MYO3A: variants seen among roughly 807,000 people sequenced by gnomAD.
MYO3A encodes myosin IIIA.
MYO3A carries 180 observed loss-of-function variants against 192.7 expected under a neutral mutation model. The ratio of observed to expected loss-of-function variants is 0.93; its 90% CI spans 0.83 to 1.06. The LOEUF is 1.06. Ranked by LOEUF, MYO3A falls within the 50% of genes least tolerant of loss-of-function variation. MYO3A has a pLI of 0.00. For synonymous variants in MYO3A, 628 were observed against 645.3 expected, an observed-to-expected ratio of 0.97 and a Z score of 0.41; for missense variants, 1,896 against 1,905.0, an observed-to-expected ratio of 1.00 and a Z score of 0.09.
At chr10:26,179,748 G>A (rs1262818439) in intron 31 of MYO3A, among the ~76,000 whole-genome samples, 2 of 152,166 alleles carry the variant, frequency 1.3e-5, no homozygotes, top group Non-Finnish European at 2.9e-5. Context: ...AAAAATATAC[G>A]AAGTTACCTA....
chr10:26,158,518 G>A (rs968321856), intron 26 of MYO3A, among the ~76,000 whole-genome samples: 9 of 152,076 alleles, frequency 5.9e-5, no homozygotes, highest in Non-Finnish European at 2.9e-5. Flanking sequence ...GCCTCCCAAA[G>A]TGCTAGGATT....
intron 2 of MYO3A, among the ~76,000 whole-genome samples, chr10:25,941,036 G>A (rs1413493837): frequency 6.6e-6 from 1 of 152,252 alleles, no homozygotes; most frequent in East Asian, 1.9e-4. Context: ...GATTAGATTT[G>A]TATTAGGCTG....
intron 7 of MYO3A, 133 bp from the exon 8 acceptor site, chr10:26,021,370 G>T (rs1431222490): frequency 9.4e-7 from 1 of 1,063,070 alleles, no homozygotes; most frequent in Admixed American, 1.8e-5. Flanking sequence ...CTCCTCCTAA[G>T]TTACTGCCTT....
chr10:26,165,823 A>C, intron 26 of MYO3A: 1 of 580,046 alleles, frequency 1.7e-6, no homozygotes, highest in South Asian at 2.1e-5. Flanking sequence ...GTGCAGTATT[A>C]AGTTTTGAAA....
At chr10:26,099,007 T>G (rs936638804) in intron 17 of MYO3A, among the ~76,000 whole-genome samples, 3 of 152,222 alleles carry the variant, frequency 2.0e-5, no homozygotes, top group Admixed American at 6.5e-5. Flanking sequence ...TTGAGCAATA[T>G]GGCCATTTTC....
At chr10:26,202,274 T>C (rs1389946623) in intron 33 of MYO3A, among the ~76,000 whole-genome samples, 1 of 152,220 alleles carries the variant, frequency 6.6e-6, no homozygotes. Context: ...TAGATTAGTA[T>C]CTGTAATTTG....
chr10:26,173,952 G>T lies in MYO3A; in HGVS notation c.3688G>T (p.Val1230Leu), dbSNP rs1842182294. Residue 1230 changes from valine (V) to leucine (L), a missense_variant, in exon 30 of 35, where the codon GTG becomes TTG. Transcript: ENST00000642920. ...GGAAGAGAACAGCAATCTAAGGAAA[G>T]TGGAGAAAGAGGAAGCTATGATCCA... ...DLEENSNLRK[V>L]EKEEAMIQSY... 3.1e-6 allele frequency: 5 copies of T among 1,608,850 alleles called. No homozygotes were observed. The East Asian group carries it at 1.1e-4, about 36-fold the overall frequency.
intron 14 of MYO3A, among the ~76,000 whole-genome samples, chr10:26,085,648 A>G (rs1028170750): frequency 3.9e-5 from 6 of 152,118 alleles, no homozygotes; most frequent in African/African-American, 1.4e-4. Flanking sequence ...GGCAGCAACT[A>G]CTTCAGTGTT....
chr10:26,146,639 T>C (rs1840480768), intron 22 of MYO3A, among the ~76,000 whole-genome samples: 1 of 152,088 alleles, frequency 6.6e-6, no homozygotes, highest in Admixed American at 6.6e-5. Flanking sequence ...TGGTGTAGGG[T>C]CTTACTCTTA....
chr10:26,171,173 G>C (rs1842028618), intron 29 of MYO3A, among the ~76,000 whole-genome samples: 1 of 152,114 alleles, frequency 6.6e-6, no homozygotes, highest in African/African-American at 2.4e-5. Context: ...ACCCTGCCTT[G>C]GTTGGTAGTG....
intron 4 of MYO3A, among the ~76,000 whole-genome samples, chr10:25,987,718 A>C (rs1186848822): frequency 6.6e-6 from 1 of 152,162 alleles, no homozygotes; most frequent in African/African-American, 2.4e-5. Context: ...AGATGTTCGC[A>C]TGGAAGCATT....
intron 2 of MYO3A, among the ~76,000 whole-genome samples, chr10:25,949,274 A>G (rs1199083640): frequency 6.6e-6 from 1 of 152,072 alleles, no homozygotes; most frequent in Non-Finnish European, 1.5e-5. Flanking sequence ...ATGTCTGTGT[A>G]TTGAAAAACT....
intron 28 of MYO3A, 30 bp from the exon 29 acceptor site, chr10:26,170,386 T>C (rs1564617209): frequency 1.2e-6 from 2 of 1,610,002 alleles, no homozygotes; most frequent in East Asian, 4.5e-5. Context: ...TGTTTATAAT[T>C]AACACTACTA....
chr10:25,939,346 C>T (rs937560985), intron 2 of MYO3A, among the ~76,000 whole-genome samples: 1 of 151,416 alleles, frequency 6.6e-6, no homozygotes, highest in African/African-American at 2.4e-5. Flanking sequence ...TCTTTTTTTC[C>T]TGTAATGTTT....
chr10:26,196,633 G>A (rs1435330047), intron 32 of MYO3A, among the ~76,000 whole-genome samples: 1 of 152,184 alleles, frequency 6.6e-6, no homozygotes, highest in Non-Finnish European at 1.5e-5. Flanking sequence ...AAGTGTGGCT[G>A]TAATGAGGCC....
At chr10:25,999,466 G>A (rs61848904) in intron 6 of MYO3A, among the ~76,000 whole-genome samples, 6,183 of 152,222 alleles carry the variant, frequency 0.041, 191 homozygotes, top group Middle Eastern at 0.078. Flanking sequence ...AAAACCTGAG[G>A]ATGGTAGGGG....
chr10:26,183,776 G>A (rs913511680), intron 31 of MYO3A, among the ~76,000 whole-genome samples: 1 of 152,094 alleles, frequency 6.6e-6, no homozygotes, highest in Non-Finnish European at 1.5e-5. Flanking sequence ...GGTCAGAGAA[G>A]ACTGCGAGTC....
rs953276280 is a variant in MYO3A at position 25,939,593 on chromosome 10, T to C, written c.-18+3763T>C. On this transcript the variant is annotated intron_variant, in intron 2 of 34. Coordinates refer to ENST00000642920, the MANE Select transcript of MYO3A (RefSeq NM_017433.5). The stretch of plus-strand genomic sequence containing the variant: ...AATTGTTTAGTGCCTTTTTAAGGTA[T>C]GCAATTGTATAGTTGTTTTTTTTTA... 7.2e-5 allele frequency among the ~76,000 whole-genome samples: 11 copies of C among 152,068 alleles called. No individual in the cohort carries two copies. In the East Asian group the frequency reaches 1.2e-3, roughly 16 times the overall value.
intron 4 of MYO3A, among the ~76,000 whole-genome samples, chr10:25,972,338 A>C (rs1295764140): frequency 6.6e-6 from 1 of 152,068 alleles, no homozygotes; most frequent in Non-Finnish European, 1.5e-5. Context: ...ATTACCATCA[A>C]ACCTTTCTTT....
Sources: gnomAD v4.1 joint callset for allele counts (sites outside exome capture counted in the v4.1 genomes callset) on GRCh38, gnomAD v4.1.1 for gene constraint, MANE v1.5 for transcripts, NCBI Gene and HGNC (gene_info 2026-07-23, HGNC 2026-07-21) for gene names.